Variants in PHF2 observed in about 807,000 individuals in gnomAD.
PHF2 encodes the protein lysine-specific demethylase PHF2.
A neutral mutation model predicts 120.5 loss-of-function variants in PHF2; 27 were observed. The observed-to-expected ratio is 0.22, with a 90% CI of 0.17 to 0.31. PHF2 has a LOEUF of 0.31. PHF2 is among the 10% of genes least tolerant of loss of function. The probability of loss-of-function intolerance (pLI) is 1.00; values close to 1 mark genes in which losing one functional copy is unlikely to be tolerated. For missense variants in PHF2, 1,024 were observed against 1,434.8 expected, an observed-to-expected ratio of 0.71 and a Z score of 4.63; for synonymous variants, 568 against 592.5, an observed-to-expected ratio of 0.96 and a Z score of 0.60.
chr9:93,677,771 G>A lies in PHF2; in HGVS notation c.*95G>A. 1.2e-6 allele frequency: 1 copy of A among 867,374 alleles called. No homozygotes were observed. The highest frequency in any genetic ancestry group is 1.9e-6 in the Non-Finnish European group (1 of 534,736). The allele number at this position is 867,374 out of a possible 1,614,324, so 53.7% of individuals were successfully genotyped here. On this transcript the variant is annotated 3_prime_UTR_variant, in exon 22 of 22. Transcript: ENST00000359246. This position sits in a 1 kb window ranked among gnomAD's most constrained non-coding sequence, Gnocchi z 4.4. ...AGGAGGGTGCCGAGCTGCCTCACCA[G>A]GGAGGGCCTTGCCTCTTCCCGGCTG...
chr9:93,617,212 CA>C lies in PHF2; in HGVS notation c.99-12756del, dbSNP rs1006778983. On this transcript the variant is annotated intron_variant, in intron 1 of 21. Coordinates refer to ENST00000359246, the MANE Select transcript of PHF2 (RefSeq NM_005392.4). ...CCCTGAAGGCAACCCCTAGCCCACT[CA>C]AGTCCTCATAGGAGGCTGCACCCTG... 2.0e-5 allele frequency among the ~76,000 whole-genome samples: 3 copies of C among 152,308 alleles called. No individual in the cohort carries two copies. In the South Asian group the frequency reaches 6.2e-4, roughly 32 times the overall value.
chr9:93,596,127 GGCC>G (rs999127946), intron 1 of PHF2, among the ~76,000 whole-genome samples: 7 of 152,190 alleles, frequency 4.6e-5, no homozygotes, highest in African/African-American at 1.7e-4. Flanking sequence ...ATATGAGGCA[GGCC>G]GCATGGAGTG....
chr9:93,615,181 G>A (rs1324040086), intron 1 of PHF2, among the ~76,000 whole-genome samples: 1 of 147,936 alleles, frequency 6.8e-6, no homozygotes, highest in South Asian at 2.2e-4. Context: ...GATAGTAATG[G>A]TGATGGCGAT....
chr9:93,653,359 G>A lies in PHF2; in HGVS notation c.783G>A (p.Val261=). 6.2e-7 allele frequency: 1 copy of A among 1,613,372 alleles called. No homozygotes were observed. The change falls in exon 6 of 22, where the codon GTG becomes GTA. Residue 261 remains valine (V), a synonymous_variant. Transcript: ENST00000359246. ...GGGGCGCCTCTGCCTGGTACCACGT[G>A]CTCAAGGTGAGCCACGCCCCTCGGG... The part of the protein sequence containing the change: ...DSGGASAWYH[V]LKGEKTFYLI...
At chr9:93,639,723 C>T (rs911349526) in intron 3 of PHF2, among the ~76,000 whole-genome samples, 2 of 152,140 alleles carry the variant, frequency 1.3e-5, no homozygotes, top group African/African-American at 4.8e-5. Flanking sequence ...AGAAGGCAGC[C>T]CCCACCTCTT....
Position 93,656,107 on chromosome 9 carries a change from A to T in PHF2, c.1040+86A>T. The T allele has an allele frequency of 4.5e-6, 5 of 1,108,736 alleles. No individual in the cohort carries two copies. Among genetic ancestry groups the T allele is most frequent in the Non-Finnish European group, 5.3e-6 (4 of 755,304 alleles). The allele number at this position is 1,108,736 out of a possible 1,614,324, so 68.7% of individuals were successfully genotyped here. On this transcript the variant is annotated intron_variant, in intron 8 of 21. Transcript: ENST00000359246. The surrounding 1 kb of genome is among the most constrained non-coding windows in gnomAD (Gnocchi z 4.1). ...GGTCGGTGCTAGATGCCTTGGGCTG[A>T]GTCCTGGCACAGCCCGCCTGTGGGT... is the stretch of plus-strand genomic sequence containing the variant.
Position 93,636,214 on chromosome 9 carries a change from C to T in PHF2, c.185-197C>T, listed in dbSNP as rs559703573. 5.3e-5 allele frequency among the ~76,000 whole-genome samples: 8 copies of T among 152,010 alleles called. No homozygotes were observed. In the South Asian group the frequency reaches 6.2e-4, roughly 12 times the overall value. ...GTGAGGTGTGGGATGGGAGAGGACA[C>T]GAGGTCGAGGTAGGGGGTTGACTCC... On this transcript the variant is annotated intron_variant, in intron 2 of 21. Coordinates refer to ENST00000359246, the MANE Select transcript of PHF2 (RefSeq NM_005392.4).
At chr9:93,579,801 C>T (rs908780126) in intron 1 of PHF2, among the ~76,000 whole-genome samples, 3 of 152,318 alleles carry the variant, frequency 2.0e-5, no homozygotes, top group South Asian at 2.1e-4. Flanking sequence ...GCGGTGGCTG[C>T]GTCTTTGCTC....
At chr9:93,579,222 C>G (rs1230519237) in intron 1 of PHF2, among the ~76,000 whole-genome samples, 1 of 152,160 alleles carries the variant, frequency 6.6e-6, no homozygotes, top group Non-Finnish European at 1.5e-5. Flanking sequence ...CTTGTATGGC[C>G]CCGGTGGTTC....
intron 1 of PHF2, among the ~76,000 whole-genome samples, chr9:93,590,023 G>A (rs1199489279): frequency 1.3e-5 from 2 of 152,178 alleles, no homozygotes; most frequent in Non-Finnish European, 2.9e-5. Flanking sequence ...GGCTATCCTG[G>A]TCTGTATGTT....
intron 1 of PHF2, among the ~76,000 whole-genome samples, chr9:93,625,468 C>CTTTTT (rs905164226): frequency 7.4e-5 from 7 of 94,706 alleles, no homozygotes; most frequent in Admixed American, 1.0e-4. Flanking sequence ...GTTTGAGTAC[C>CTTTTT]TTTTTTTTTT....
At chr9:93,632,093 C>T (rs1301703823) in intron 2 of PHF2, among the ~76,000 whole-genome samples, 2 of 152,128 alleles carry the variant, frequency 1.3e-5, no homozygotes, top group Non-Finnish European at 2.9e-5. Context: ...AGAAACAGCC[C>T]ACCTGCCATG....
chr9:93,620,427 G>A (rs1825807123), intron 1 of PHF2, among the ~76,000 whole-genome samples: 1 of 152,210 alleles, frequency 6.6e-6, no homozygotes, highest in Non-Finnish European at 1.5e-5. Context: ...GGGATCCTTT[G>A]TGAGCTCAGC....
intron 5 of PHF2, among the ~76,000 whole-genome samples, chr9:93,652,385 C>A (rs1295416445): frequency 1.3e-5 from 2 of 150,126 alleles, no homozygotes; most frequent in Non-Finnish European, 2.9e-5. Context: ...ACCTCTGCCT[C>A]CTGGGTTCAA....
intron 3 of PHF2, among the ~76,000 whole-genome samples, chr9:93,643,364 T>C (rs2131670696): frequency 6.6e-6 from 1 of 152,350 alleles, no homozygotes; most frequent in African/African-American, 2.4e-5. Context: ...CCCAGGTGGA[T>C]GGGAGGCCTT....
intron 17 of PHF2, among the ~76,000 whole-genome samples, chr9:93,667,827 G>T (rs535442435): frequency 1.3e-5 from 2 of 152,268 alleles, no homozygotes; most frequent in Non-Finnish European, 2.9e-5. Context: ...GCTGGGCAGT[G>T]ATATCCGGGT....
chr9:93,639,852 G>A (rs924412055), intron 3 of PHF2, among the ~76,000 whole-genome samples: 3 of 152,230 alleles, frequency 2.0e-5, no homozygotes, highest in Admixed American at 1.3e-4. Context: ...GACGAAGCCT[G>A]TGTTTTTGGC....
chr9:93,666,493 C>T (rs73523915), intron 16 of PHF2, among the ~76,000 whole-genome samples: 130 of 152,328 alleles, frequency 8.5e-4, no homozygotes, highest in African/African-American at 2.6e-3. Flanking sequence ...AGTGTGAAGA[C>T]AGTTTGGTCC....
intron 1 of PHF2, among the ~76,000 whole-genome samples, chr9:93,605,514 A>G (rs76488437): frequency 8.7e-4 from 132 of 152,274 alleles, no homozygotes; most frequent in Middle Eastern, 6.8e-3. Context: ...CATCCCTCCC[A>G]GTACCCCCAA....
Sources: gnomAD v4.1 joint callset for allele counts (sites outside exome capture counted in the v4.1 genomes callset) on GRCh38, gnomAD v4.1.1 for gene constraint, Gnocchi (gnomAD v3.1) non-coding constraint, MANE v1.5 for transcripts, NCBI Gene and HGNC (gene_info 2026-07-23, HGNC 2026-07-21) for gene names.